The following BEST1 variants were observed in gnomAD, a reference collection of about 807,000 sequenced individuals.
BEST1 encodes the protein bestrophin-1.
A neutral mutation model predicts 63.3 loss-of-function variants in BEST1; 58 were observed. The observed-to-expected ratio is 0.92, with a 90% CI of 0.74 to 1.14. BEST1 has a LOEUF of 1.14. Ranked by LOEUF, BEST1 falls within the 50% of genes most tolerant of loss-of-function variation. The probability of loss-of-function intolerance (pLI) is 0.00; values close to 1 mark genes in which losing one functional copy is unlikely to be tolerated. For missense variants in BEST1, 671 were observed against 740.1 expected (o/e 0.91, Z 1.08); for synonymous variants, 283 against 291.6 (o/e 0.97, Z 0.30).
At chr11:61,964,973 G>T, downstream of BEST1, 3 of 1,614,088 alleles carry the variant, frequency 1.9e-6, no homozygotes, top group Non-Finnish European at 2.5e-6. Flanking sequence ...ATTTCCTGGG[G>T]TTCCAATACT....
At chr11:61,952,459 CTTTTTTTTTTTTT>C (rs34404535) in intron 2 of BEST1, among the ~76,000 whole-genome samples, 1 of 78,152 alleles carries the variant, frequency 1.3e-5, no homozygotes, top group Non-Finnish European at 2.4e-5. Flanking sequence ...CCACATGGTA[CTTTTTTTTTTTTT>C]TTTTTTTTTT....
chr11:61,955,027 A>AG, intron 2 of BEST1, 80 bp from the exon 3 acceptor site: 1 of 1,590,188 alleles, frequency 6.3e-7, no homozygotes, highest in South Asian at 1.1e-5. Context: ...ACTCCTACCC[A>AG]GGGCCGGGCT....
intron 3 of BEST1, 74 bp from the exon 4 acceptor site, chr11:61,955,644 T>C: frequency 1.2e-5 from 17 of 1,459,902 alleles, no homozygotes; most frequent in Non-Finnish European, 1.6e-5. Context: ...AGCCGAGGCA[T>C]CGCCGGGCGC....
intron 7 of BEST1, chr11:61,959,124 G>T (rs1941758381): frequency 6.0e-6 from 2 of 330,976 alleles, no homozygotes; most frequent in Non-Finnish European, 1.2e-5. Context: ...CCAGGAATCT[G>T]CCCACCTAGA....
At chr11:61,953,580 C>T (rs974852158) in intron 2 of BEST1, among the ~76,000 whole-genome samples, 6 of 152,090 alleles carry the variant, frequency 3.9e-5, no homozygotes, top group African/African-American at 1.2e-4. Context: ...TGGGGTGGCA[C>T]GCACCTGTAG....
chr11:61,958,895 CACACACACACAT>C (rs1394230301), intron 7 of BEST1: 7 of 96,050 alleles, frequency 7.3e-5, no homozygotes, highest in African/African-American at 1.1e-4. Flanking sequence ...CACACACACA[CACACACACACAT>C]ACACACACAC....
rs759777954 is a variant in BEST1 at position 61,962,480 on chromosome 11, C to G, written c.1326C>G (p.Asn442Lys). ...AKQNVRGQED[N>K]KAWKLKAVDA... ...AGAACGTTAGGGGCCAGGAAGACAA[C>G]AAGGCCTGGAAGCTTAAGGCTGTGG... is the stretch of plus-strand genomic sequence containing the variant. The change falls in exon 10 of 11, where the codon AAC (asparagine) becomes AAG (lysine). Residue 442 changes from asparagine to lysine, a missense_variant. Transcript: ENST00000378043. 1 of 1,614,090 alleles carries G rather than the reference C, an allele frequency of 6.2e-7. No individual in the cohort carries two copies. Among genetic ancestry groups the G allele is most frequent in the East Asian group, 2.2e-5 (1 of 44,892 alleles).
At chr11:61,964,871 T>C (rs1591320582), downstream of BEST1, 1 of 1,605,828 alleles carries the variant, frequency 6.2e-7, no homozygotes, top group Non-Finnish European at 8.5e-7. Flanking sequence ...TCAGGTAATG[T>C]GTCTCAATGA....
chr11:61,954,771 CT>C, intron 2 of BEST1: 1 of 983,900 alleles, frequency 1.0e-6, no homozygotes, highest in East Asian at 1.1e-4. Flanking sequence ...TTTCGACCTG[CT>C]TTTAAACAAC....
In BEST1 at chr11:61,957,155, G is replaced by A. The variant is rs144663679; in HGVS notation, c.636+157G>A. 6.7e-4 allele frequency among the ~76,000 whole-genome samples: 102 copies of A among 152,274 alleles called. 2 individuals are homozygous for A. Among genetic ancestry groups the A allele is most frequent in the African/African-American group, 1.8e-3 (76 of 41,538 alleles). Reference sequence around the variant, plus strand: ...CTTTTCCAACAGCAATCCACAGCCCGAGGTGGTCCCTTCTCAGAGGCCCCT... The same window carrying A: ...CTTTTCCAACAGCAATCCACAGCCCAAGGTGGTCCCTTCTCAGAGGCCCCT... On this transcript the variant is annotated intron_variant, in intron 5 of 10. Transcript: ENST00000378043.
At chr11:61,959,343 T>TGG in intron 7 of BEST1, 155 bp from the exon 8 acceptor site, 1 of 728,222 alleles carries the variant, frequency 1.4e-6, no homozygotes, top group East Asian at 2.7e-5. Flanking sequence ...CCCACAAGTG[T>TGG]GGGGGGCTGG....
intron 1 of BEST1, among the ~76,000 whole-genome samples, chr11:61,951,109 C>G (rs138763672): frequency 1.3e-5 from 2 of 152,278 alleles, no homozygotes; most frequent in African/African-American, 4.8e-5. Flanking sequence ...TGGGAGCTAA[C>G]GAACAAGATG....
intron 9 of BEST1, 78 bp from the exon 10 acceptor site, chr11:61,962,177 C>CG (rs763321346): frequency 1.3e-6 from 2 of 1,508,250 alleles, no homozygotes; most frequent in South Asian, 1.1e-5. Context: ...GAGAGAGGAG[C>CG]GGGGGTAAGG....
At chr11:61,953,183 T>C (rs1940893979) in intron 2 of BEST1, among the ~76,000 whole-genome samples, 1 of 152,236 alleles carries the variant, frequency 6.6e-6, no homozygotes. Context: ...CATTAATGAT[T>C]ACATGGATTG....
intron 9 of BEST1, chr11:61,960,413 C>T (rs575106109): frequency 3.2e-6 from 1 of 309,558 alleles, no homozygotes; most frequent in African/African-American, 2.2e-5. Flanking sequence ...CTCTGTCGCC[C>T]AGGTTGGAGC....
chr11:61,965,327 G>T (rs1461685681), downstream of BEST1: 1 of 1,610,962 alleles, frequency 6.2e-7, no homozygotes, highest in Admixed American at 1.7e-5. Context: ...CCCGAACACT[G>T]CCAGATGATG....
chr11:61,964,370 A>G lies in BEST1; in HGVS notation c.*248A>G, dbSNP rs1942380557. The G allele has an allele frequency of 4.0e-6, 3 of 759,016 alleles. No homozygotes were observed. Among genetic ancestry groups the G allele is most frequent in the Non-Finnish European group, 6.2e-6 (3 of 482,934 alleles). 47.0% of individuals were successfully genotyped at this position (759,016 alleles called of 1,614,324 possible). ...CATTTAACTCAGACTCTGGATTCAG[A>G]GTCGGGAACCCTTAGTTCTATCTGA... is the stretch of plus-strand genomic sequence containing the variant. On this transcript the variant is annotated 3_prime_UTR_variant, in exon 11 of 11. Transcript: ENST00000378043.
rs1042483131 is a variant in BEST1 at position 61,964,256 on chromosome 11, T to C, written c.*134T>C. 2.2e-5 allele frequency: 34 copies of C among 1,511,136 alleles called. No homozygotes were observed. The highest frequency in any genetic ancestry group is 3.0e-5 in the Non-Finnish European group (34 of 1,123,152). The allele number at this position is 1,511,136 out of a possible 1,614,324, so 93.6% of individuals were successfully genotyped here. A position where few individuals can be genotyped will look rare whatever the true frequency, so the allele number is the denominator to read the frequency against. The stretch of plus-strand genomic sequence containing the variant: ...CCTACAACAGCCTGAATCAAATGGT[T>C]AGCTTAATAGATAAAAATCCCAGAC... On this transcript the variant is annotated 3_prime_UTR_variant, in exon 11 of 11. Coordinates refer to ENST00000378043, the MANE Select transcript of BEST1 (RefSeq NM_004183.4).
intron 6 of BEST1, 61 bp from the exon 7 acceptor site, chr11:61,958,085 G>A (rs1486909708): frequency 1.2e-6 from 2 of 1,610,766 alleles, no homozygotes; most frequent in East Asian, 2.2e-5. Context: ...AGCCCCTGGA[G>A]CATCCTGATT....
Sources: allele counts gnomAD v4.1 joint callset (sites outside exome capture counted in the v4.1 genomes callset), GRCh38; gene constraint gnomAD v4.1.1; transcripts MANE v1.5; gene names NCBI Gene and HGNC (gene_info 2026-07-23, HGNC 2026-07-21).